The following EMCN variants were observed in gnomAD, a reference collection of about 807,000 sequenced individuals.
EMCN encodes endomucin.
A neutral mutation model predicts 38.4 loss-of-function variants in EMCN; 37 were observed. That is an observed-to-expected ratio of 0.96 (90% CI 0.74 to 1.27). EMCN has a LOEUF of 1.27. EMCN is among the 50% of genes most tolerant of loss of function. The pLI, the probability that EMCN is intolerant of heterozygous loss-of-function variation, is 0.00. For missense variants in EMCN, 318 were observed against 302.8 expected (o/e 1.05, Z -0.37); for synonymous variants, 95 against 100.8 (o/e 0.94, Z 0.35).
At position 100,447,563 on chromosome 4, in the gene EMCN, G is replaced by A; in HGVS notation, c.385C>T (p.Gln129Ter). 1.2e-6 allele frequency: 2 copies of A among 1,600,562 alleles called. No homozygotes were observed. Among genetic ancestry groups the A allele is most frequent in the Non-Finnish European group, 1.7e-6 (2 of 1,169,288 alleles). Residue 129 changes from glutamine to a stop codon, truncating the protein, a stop_gained, in exon 5 of 12, where the codon CAG becomes TAG. Transcript: ENST00000296420. LOFTEE classifies it high-confidence loss of function. ...LQSSKPKTET[Q>*]SSIKTTEIPG... is the part of the protein sequence containing the mutation. ...ATTTCTGTTGTTTTAATTGAACTCT[G>A]AGTTTCAGCTTTAGAAGGAAAAAAA... is the stretch of plus-strand genomic sequence containing the variant.
At chr4:100,471,733 A>G (rs1186180242) in intron 3 of EMCN, among the ~76,000 whole-genome samples, 5 of 151,996 alleles carry the variant, frequency 3.3e-5, no homozygotes, top group African/African-American at 4.8e-5. Flanking sequence ...ATTATACCCC[A>G]TGACCAAGTT....
At chr4:100,487,844 C>T (rs1198068575) in intron 1 of EMCN, among the ~76,000 whole-genome samples, 1 of 152,182 alleles carries the variant, frequency 6.6e-6, no homozygotes, top group Non-Finnish European at 1.5e-5. Flanking sequence ...ATTACTGAGT[C>T]TTGGGTACTT....
intron 4 of EMCN, among the ~76,000 whole-genome samples, chr4:100,448,335 G>T (rs1163057468): frequency 6.6e-6 from 1 of 151,996 alleles, no homozygotes; most frequent in East Asian, 1.9e-4. Context: ...AAGTCCACTT[G>T]CTTCCTTTGT....
At chr4:100,517,829 G>A (rs777870737) in intron 1 of EMCN, 22 bp downstream of exon 1, 3 of 1,610,390 alleles carry the variant, frequency 1.9e-6, no homozygotes, top group East Asian at 2.2e-5. Context: ...CGTACCACCA[G>A]AGGAATAAGA....
At chr4:100,515,903 A>T (rs1012920208) in intron 1 of EMCN, among the ~76,000 whole-genome samples, 1 of 152,104 alleles carries the variant, frequency 6.6e-6, no homozygotes, top group African/African-American at 2.4e-5. Context: ...ATACATGTAG[A>T]TGGGAAATTA....
At position 100,475,110 on chromosome 4, in the gene EMCN, C is replaced by G. The variant is rs746315798; in HGVS notation, c.188-1G>C. Reference sequence around the variant, plus strand: ...TTAAGTAATTCATTGGTGATTGTTCCTAGTTTGATAAAATAGATTAAATTA... The same window carrying G: ...TTAAGTAATTCATTGGTGATTGTTCGTAGTTTGATAAAATAGATTAAATTA... On this transcript the variant is annotated splice_acceptor_variant, in intron 2 of 11. Coordinates refer to ENST00000296420, the MANE Select transcript of EMCN (RefSeq NM_016242.4). LOFTEE classifies it high-confidence loss of function. 5 of 1,449,266 alleles carry G rather than the reference C, an allele frequency of 3.5e-6. No individual in the cohort carries two copies. Among genetic ancestry groups the G allele is most frequent in the South Asian group, 2.9e-5 (2 of 69,162 alleles). 89.8% of individuals were successfully genotyped at this position (1,449,266 alleles called of 1,614,324 possible). A position where few individuals can be genotyped will look rare whatever the true frequency, so the allele number is the denominator to read the frequency against.
In EMCN at chr4:100,410,102, C is replaced by A. The variant is rs188764138; in HGVS notation, c.*39+180G>T. On this transcript the variant is annotated intron_variant, in intron 11 of 11. Coordinates refer to ENST00000296420, the MANE Select transcript of EMCN (RefSeq NM_016242.4). Reference sequence around the variant, plus strand: ...GACAAATCGTCTACAACCACCAGGTCATTCATTTTTTGGCAATTTTTGTTA... The same window carrying A: ...GACAAATCGTCTACAACCACCAGGTAATTCATTTTTTGGCAATTTTTGTTA... 4.1e-3 allele frequency among the ~76,000 whole-genome samples: 631 copies of A among 152,320 alleles called. 4 individuals carry two copies. Among genetic ancestry groups the A allele is most frequent in the African/African-American group, 0.014 (593 of 41,582 alleles).
chr4:100,413,766 T>C (rs1726632284), intron 10 of EMCN, among the ~76,000 whole-genome samples: 2 of 152,218 alleles, frequency 1.3e-5, no homozygotes, highest in African/African-American at 2.4e-5. Flanking sequence ...AATTTCTAAA[T>C]TGAAGTTGGC....
chr4:100,491,512 T>C (rs1729074708), intron 1 of EMCN, among the ~76,000 whole-genome samples: 1 of 152,116 alleles, frequency 6.6e-6, no homozygotes, highest in Non-Finnish European at 1.5e-5. Context: ...AGGCTCCCCA[T>C]AGGCAGGTGG....
At chr4:100,475,659 CTTTTTTT>C (rs869169290) in intron 2 of EMCN, among the ~76,000 whole-genome samples, 6,572 of 60,302 alleles carry the variant, frequency 0.11, 1,194 homozygotes, top group Middle Eastern at 0.18. Context: ...AATTCTAGTC[CTTTTTTT>C]TTTTTTTTTT....
At chr4:100,445,938 A>T in intron 5 of EMCN, 2 of 428,838 alleles carry the variant, frequency 4.7e-6, no homozygotes, top group Non-Finnish European at 6.2e-6. Context: ...TAGGAAAATT[A>T]GTTTACATAA....
At chr4:100,511,812 A>G (rs1286617923) in intron 1 of EMCN, among the ~76,000 whole-genome samples, 1 of 149,582 alleles carries the variant, frequency 6.7e-6, no homozygotes, top group Non-Finnish European at 1.5e-5. Flanking sequence ...AGCCTGAAAC[A>G]AGGGCTTCTG....
chr4:100,496,521 T>G (rs926125441), intron 1 of EMCN, among the ~76,000 whole-genome samples: 1 of 152,176 alleles, frequency 6.6e-6, no homozygotes, highest in Non-Finnish European at 1.5e-5. Flanking sequence ...TACTTCCCTT[T>G]AAATGATTCA....
intron 3 of EMCN, among the ~76,000 whole-genome samples, chr4:100,473,379 T>G (rs1560630262): frequency 8.1e-6 from 1 of 123,310 alleles, no homozygotes; most frequent in East Asian, 2.2e-4. Flanking sequence ...TTTTGTTTTT[T>G]TTTTTTGTTT....
intron 5 of EMCN, among the ~76,000 whole-genome samples, chr4:100,433,309 A>C (rs1219621304): frequency 6.6e-6 from 1 of 152,142 alleles, no homozygotes; most frequent in East Asian, 1.9e-4. Flanking sequence ...ATTTTTTAGG[A>C]CTAAATAATA....
intron 3 of EMCN, among the ~76,000 whole-genome samples, chr4:100,468,302 G>A (rs751654798): frequency 1.3e-5 from 2 of 152,156 alleles, no homozygotes; most frequent in South Asian, 2.1e-4. Context: ...AATTGTTAAC[G>A]TGTAATTTAT....
At chr4:100,423,104 C>T in intron 6 of EMCN, 24 bp from the exon 7 acceptor site, 1 of 1,611,694 alleles carries the variant, frequency 6.2e-7, no homozygotes, top group Non-Finnish European at 8.5e-7. Context: ...AAAAACAAGT[C>T]ACTTTTGGTT....
chr4:100,421,212 A>G (rs1726877173), intron 8 of EMCN, 70 bp downstream of exon 8: 1 of 1,304,296 alleles, frequency 7.7e-7, no homozygotes. Context: ...CCCTTTAAGA[A>G]TTTAAAATCA....
Position 100,423,300 on chromosome 4 carries a change from CAG to C in EMCN, c.508+10_508+11del. ...TAGAGCAGATTTCCACTCAGGCACA[CAG>C]ATATCATACCTTGAGACTGTGAGGT... On this transcript the variant is annotated intron_variant, in intron 6 of 11. Coordinates refer to ENST00000296420, the MANE Select transcript of EMCN (RefSeq NM_016242.4). 6.3e-7 allele frequency: 1 copy of C among 1,596,858 alleles called. No homozygotes were observed. Among genetic ancestry groups the C allele is most frequent in the Non-Finnish European group, 8.6e-7 (1 of 1,164,782 alleles).
Sources: allele counts gnomAD v4.1 joint callset (sites outside exome capture counted in the v4.1 genomes callset), GRCh38; gene constraint gnomAD v4.1.1; transcripts MANE v1.5; gene names NCBI Gene and HGNC (gene_info 2026-07-23, HGNC 2026-07-21).